PEX14: variants seen among roughly 807,000 people sequenced by gnomAD.
PEX14 encodes the protein peroxisomal biogenesis factor 14.
In PEX14, 15 loss-of-function variants were observed where a neutral mutation model predicts 49.5. The ratio of observed to expected loss-of-function variants is 0.30; its 90% confidence interval spans 0.20 to 0.47. PEX14 has a LOEUF of 0.47. Among genes scored for constraint, PEX14 ranks in the 20% least tolerant of loss-of-function variants. The probability of loss-of-function intolerance (pLI) is 1.00; values close to 1 mark genes in which losing one functional copy is unlikely to be tolerated. For missense variants in PEX14, 398 were observed against 494.8 expected, an observed-to-expected ratio of 0.80 and a Z score of 1.86; for synonymous variants, 210 against 212.7, an observed-to-expected ratio of 0.99 and a Z score of 0.11.
intron 3 of PEX14, among the ~76,000 whole-genome samples, chr1:10,570,341 T>A (rs1639934646): frequency 6.6e-6 from 1 of 152,148 alleles, no homozygotes; most frequent in Non-Finnish European, 1.5e-5. Context: ...CTGTTTTTCA[T>A]TTTCTTTTTT....
chr1:10,528,727 ACAT>A (rs1289485410), intron 2 of PEX14, among the ~76,000 whole-genome samples: 1 of 152,168 alleles, frequency 6.6e-6, no homozygotes, highest in East Asian at 1.9e-4. Flanking sequence ...CTGTTGAAAA[ACAT>A]CATGTTAAGG....
chr1:10,511,451 C>G (rs1641881601), intron 2 of PEX14, among the ~76,000 whole-genome samples: 1 of 152,120 alleles, frequency 6.6e-6, no homozygotes, highest in Non-Finnish European at 1.5e-5. Flanking sequence ...TCTGATTGAG[C>G]GTGTCTCCCC....
At chr1:10,550,003 C>A (rs1174694673) in intron 3 of PEX14, among the ~76,000 whole-genome samples, 1 of 152,164 alleles carries the variant, frequency 6.6e-6, no homozygotes, top group Non-Finnish European at 1.5e-5. Context: ...ATGTATCTTA[C>A]AAGGCATGGT....
intron 1 of PEX14, among the ~76,000 whole-genome samples, chr1:10,475,359 A>T (rs952921210): frequency 2.0e-5 from 3 of 152,034 alleles, no homozygotes; most frequent in Admixed American, 2.0e-4. Context: ...GGATAGATCG[A>T]TCGTTCCCGG....
At chr1:10,483,744 G>C (rs749857655) in intron 1 of PEX14, among the ~76,000 whole-genome samples, 14 of 124,900 alleles carry the variant, frequency 1.1e-4, no homozygotes, top group African/African-American at 3.8e-4. Flanking sequence ...TTGTATATAC[G>C]TGTGTAACCA....
rs61635531 is a variant in PEX14, at chr1:10,591,635, CTGTG to C, written c.170-7564_170-7561del. 4.0e-3 allele frequency among the ~76,000 whole-genome samples: 555 copies of C among 139,722 alleles called. 5 individuals are homozygous for C. The highest frequency in any genetic ancestry group is 0.011 in the African/African-American group (392 of 37,296). The allele number at this position is 139,722 out of a possible 152,430, so 91.7% of individuals were successfully genotyped here. A position where few individuals can be genotyped will look rare whatever the true frequency, so the allele number is the denominator to read the frequency against. ...CCTCCTTTTCTTTCAGGTATACACA[CTGTG>C]TGTGTGTGTGTGTGTGTGTGTGTGT... On this transcript the variant is annotated intron_variant, in intron 3 of 8. Coordinates refer to ENST00000356607, the MANE Select transcript of PEX14 (RefSeq NM_004565.3).
rs932715665 is a variant in PEX14, at chr1:10,597,598, C to A, written c.170-1640C>A. Among the ~76,000 whole-genome samples the A allele has an allele frequency of 6.6e-6, 1 of 152,196 alleles. No individual in the cohort carries two copies. The highest frequency in any genetic ancestry group is 1.9e-4 in the East Asian group (1 of 5,202). ...CAGCTTTTGTCTTTGGAAGGTGGTACGTGATGCGCTGTGAACCCTGGAAGC... is the reference window on the plus strand; with the variant it reads ...CAGCTTTTGTCTTTGGAAGGTGGTAAGTGATGCGCTGTGAACCCTGGAAGC... On this transcript the variant is annotated intron_variant, in intron 3 of 8. Transcript: ENST00000356607. This position sits in a 1 kb window ranked among gnomAD's most constrained non-coding sequence, Gnocchi z 5.7.
intron 3 of PEX14, among the ~76,000 whole-genome samples, chr1:10,565,187 C>T (rs958428731): frequency 6.6e-6 from 1 of 152,222 alleles, no homozygotes; most frequent in African/African-American, 2.4e-5. Flanking sequence ...CAGGCATGAG[C>T]CACTGCGCCC....
At chr1:10,576,037 A>G (rs1421079843) in intron 3 of PEX14, among the ~76,000 whole-genome samples, 1 of 152,208 alleles carries the variant, frequency 6.6e-6, no homozygotes, top group Non-Finnish European at 1.5e-5. Context: ...ATTCTCAGAA[A>G]TGTTTATTCA....
At chr1:10,569,931 T>G (rs1050675296) in intron 3 of PEX14, among the ~76,000 whole-genome samples, 2 of 152,236 alleles carry the variant, frequency 1.3e-5, no homozygotes, top group Non-Finnish European at 2.9e-5. Flanking sequence ...TGAGAGGGTC[T>G]TTTAATGTGA....
chr1:10,563,912 A>G (rs943596654), intron 3 of PEX14, among the ~76,000 whole-genome samples: 15 of 50,672 alleles, frequency 3.0e-4, no homozygotes, highest in African/African-American at 6.2e-4. Flanking sequence ...CTCGGTCTCA[A>G]AAAAGAAAAA....
chr1:10,527,696 C>A (rs1271169651), intron 2 of PEX14, among the ~76,000 whole-genome samples: 1 of 151,296 alleles, frequency 6.6e-6, no homozygotes, highest in East Asian at 1.9e-4. Context: ...GTTTCCAAGA[C>A]AGAGTCTCAC....
chr1:10,506,110 C>T (rs1641778126), intron 2 of PEX14, among the ~76,000 whole-genome samples: 2 of 152,168 alleles, frequency 1.3e-5, no homozygotes, highest in African/African-American at 4.8e-5. Context: ...ACGTACTCAC[C>T]AGGCTCTTGG....
At chr1:10,575,148 AAG>A (rs1264337848) in intron 3 of PEX14, among the ~76,000 whole-genome samples, 2 of 152,154 alleles carry the variant, frequency 1.3e-5, no homozygotes, top group Admixed American at 6.5e-5. Flanking sequence ...TTAGAAATTC[AAG>A]TTTAAAATAT....
intron 2 of PEX14, among the ~76,000 whole-genome samples, chr1:10,521,153 A>T: frequency 1.4e-5 from 2 of 142,858 alleles, no homozygotes; most frequent in African/African-American, 5.2e-5. Flanking sequence ...TTCTTCCTTT[A>T]TTTCTTGCTG....
intron 3 of PEX14, among the ~76,000 whole-genome samples, chr1:10,566,569 A>C (rs548620528): frequency 2.0e-5 from 3 of 151,422 alleles, no homozygotes; most frequent in African/African-American, 7.3e-5. Context: ...ACTCTCTGCA[A>C]CCTCCGCCTC....
At chr1:10,557,514 A>T (rs1448874642) in intron 3 of PEX14, among the ~76,000 whole-genome samples, 4 of 152,176 alleles carry the variant, frequency 2.6e-5, no homozygotes, top group Non-Finnish European at 5.9e-5. Context: ...TGAACCCTGG[A>T]GGTGGAGTTT....
chr1:10,593,242 GCT>G (rs986417176), intron 3 of PEX14, among the ~76,000 whole-genome samples: 2 of 152,178 alleles, frequency 1.3e-5, no homozygotes, highest in Non-Finnish European at 2.9e-5. Flanking sequence ...AGGTGCCCCA[GCT>G]CTCTGTGTTG....
At position 10,629,901 on chromosome 1, in the gene PEX14, C is replaced by T. The variant is rs1641869464; in HGVS notation, c.1048C>T (p.Arg350Cys). ...EDCLGVQRED[R>C]RGGDGQINEQ... Reference sequence around the variant, plus strand: ...CTGCCTGGGGGTGCAGAGGGAGGACCGCCGGGGCGGGGATGGGCAGATCAA... The same window carrying T: ...CTGCCTGGGGGTGCAGAGGGAGGACTGCCGGGGCGGGGATGGGCAGATCAA... The change falls in exon 9 of 9, where the codon CGC (arginine) becomes TGC (cysteine). Residue 350 changes from arginine to cysteine, a missense_variant. Transcript: ENST00000356607. The surrounding 1 kb of genome is among the most constrained non-coding windows in gnomAD (Gnocchi z 8.5). The T allele has an allele frequency of 6.2e-7, 1 of 1,613,398 alleles. No homozygotes were observed. Among genetic ancestry groups the T allele is most frequent in the Non-Finnish European group, 8.5e-7 (1 of 1,179,836 alleles).
Sources: gnomAD v4.1 joint callset for allele counts (sites outside exome capture counted in the v4.1 genomes callset) on GRCh38, gnomAD v4.1.1 for gene constraint, Gnocchi (gnomAD v3.1) non-coding constraint, MANE v1.5 for transcripts, NCBI Gene and HGNC (gene_info 2026-07-23, HGNC 2026-07-21) for gene names.